Variants in PRKG1 observed in about 807,000 individuals in gnomAD.
PRKG1 encodes cGMP-dependent protein kinase 1.
In PRKG1, 35 loss-of-function variants were observed where a neutral mutation model predicts 88.1. The observed-to-expected ratio is 0.40, with a 90% CI of 0.30 to 0.53. PRKG1 has a LOEUF of 0.53. Ranked by LOEUF, PRKG1 falls within the 20% of genes least tolerant of loss-of-function variation. PRKG1 has a pLI of 0.59. For synonymous variants in PRKG1, 303 were observed against 292.5 expected (o/e 1.04, Z -0.37); for missense variants, 540 against 839.8 (o/e 0.64, Z 4.41).
chr10:52,218,519 C>T (rs1439627368), intron 9 of PRKG1, among the ~76,000 whole-genome samples: 2 of 152,116 alleles, frequency 1.3e-5, no homozygotes, highest in Non-Finnish European at 2.9e-5. Context: ...TCAACATAAA[C>T]TTACCCAACT....
chr10:51,106,435 G>T (rs1018559063), intron 1 of PRKG1, among the ~76,000 whole-genome samples: 3 of 152,066 alleles, frequency 2.0e-5, no homozygotes, highest in Non-Finnish European at 4.4e-5. Context: ...TTTTTTTCGG[G>T]ACTGAGAAAT....
intron 3 of PRKG1, among the ~76,000 whole-genome samples, chr10:51,495,175 A>T (rs1201305176): frequency 6.6e-6 from 1 of 152,002 alleles, no homozygotes; most frequent in Non-Finnish European, 1.5e-5. Context: ...GCTCACTGCA[A>T]CCTCTGCCTC....
At chr10:52,253,709 C>T (rs940946390) in intron 10 of PRKG1, among the ~76,000 whole-genome samples, 2 of 151,796 alleles carry the variant, frequency 1.3e-5, no homozygotes, top group African/African-American at 4.8e-5. Context: ...TTATATTTTA[C>T]TCTTTTAGAC....
At chr10:52,020,106 T>G (rs960871552) in intron 5 of PRKG1, among the ~76,000 whole-genome samples, 1 of 151,408 alleles carries the variant, frequency 6.6e-6, no homozygotes, top group African/African-American at 2.4e-5. Context: ...TTTAATCTTC[T>G]GTAAAATTAA....
At chr10:51,616,042 A>C (rs1460797314) in intron 3 of PRKG1, among the ~76,000 whole-genome samples, 1 of 152,186 alleles carries the variant, frequency 6.6e-6, no homozygotes, top group African/African-American at 2.4e-5. Context: ...TGCATGCAGT[A>C]AAGTTGTCTC....
chr10:52,132,957 C>T lies in PRKG1; in HGVS notation c.936-883C>T, dbSNP rs529377223. On this transcript the variant is annotated intron_variant, in intron 7 of 17. Coordinates refer to ENST00000373980, the MANE Select transcript of PRKG1 (RefSeq NM_006258.4). ...TTTATCCTTTGAGTTACAAATAATT[C>T]AATTACATTAAGTTATTTAAAAATA... Among the ~76,000 whole-genome samples the T allele has an allele frequency of 2.0e-5, 3 of 152,066 alleles. No individual in the cohort carries two copies. In the East Asian group the frequency reaches 5.8e-4, roughly 29 times the overall value.
intron 3 of PRKG1, among the ~76,000 whole-genome samples, chr10:51,546,467 T>A (rs1353807045): frequency 6.6e-6 from 1 of 152,110 alleles, no homozygotes; most frequent in East Asian, 1.9e-4. Flanking sequence ...AATATGTGTG[T>A]GTGTCCTGTA....
At chr10:51,741,022 G>A (rs1188900454) in intron 3 of PRKG1, among the ~76,000 whole-genome samples, 1 of 151,874 alleles carries the variant, frequency 6.6e-6, no homozygotes, top group African/African-American at 2.4e-5. Context: ...CGCAGAGAAG[G>A]AGCCAAGTGT....
intron 1 of PRKG1, among the ~76,000 whole-genome samples, chr10:51,080,744 CCACCCCTTCCCCGA>C (rs1365441785): frequency 2.6e-5 from 4 of 152,202 alleles, no homozygotes; most frequent in African/African-American, 7.2e-5. Context: ...GTACTGTTTG[CCACCCCTTCCCCGA>C]CAGCCCTTGT....
chr10:51,545,957 C>T (rs1842435672), intron 3 of PRKG1, among the ~76,000 whole-genome samples: 1 of 151,580 alleles, frequency 6.6e-6, no homozygotes, highest in African/African-American at 2.4e-5. Context: ...CTGCATGGCT[C>T]CCATTTATCT....
At chr10:51,477,621 T>C (rs926005170) in intron 3 of PRKG1, among the ~76,000 whole-genome samples, 4 of 151,976 alleles carry the variant, frequency 2.6e-5, no homozygotes, top group Non-Finnish European at 5.9e-5. Flanking sequence ...GTGATGTGCT[T>C]AGTGCGGCAA....
At chr10:51,156,518 A>C (rs1297807487) in intron 2 of PRKG1, among the ~76,000 whole-genome samples, 1 of 152,004 alleles carries the variant, frequency 6.6e-6, no homozygotes, top group Non-Finnish European at 1.5e-5. Context: ...ATAATATATC[A>C]ATATTCAGAG....
intron 3 of PRKG1, among the ~76,000 whole-genome samples, chr10:51,496,402 G>T (rs1292481593): frequency 1.3e-5 from 2 of 152,112 alleles, no homozygotes; most frequent in African/African-American, 4.8e-5. Flanking sequence ...AAACTTATCA[G>T]CATGGGTTAA....
intron 4 of PRKG1, among the ~76,000 whole-genome samples, chr10:51,892,238 T>C (rs965838441): frequency 4.6e-5 from 7 of 152,202 alleles, no homozygotes; most frequent in African/African-American, 1.7e-4. Flanking sequence ...TAAATTTCTT[T>C]TAGCAAATAA....
chr10:51,110,509 A>T lies in PRKG1; in HGVS notation c.311+35608A>T, dbSNP rs117497247. 4.0e-3 allele frequency among the ~76,000 whole-genome samples: 608 copies of T among 152,230 alleles called. 3 individuals carry two copies. Among genetic ancestry groups the T allele is most frequent in the Non-Finnish European group, 7.2e-3 (492 of 67,984 alleles). ...GCAGACTAATCTATGGTGACAGAAC[A>T]AACCGGTGGTTGCCTGGGATGGAGA... is the stretch of plus-strand genomic sequence containing the variant. On this transcript the variant is annotated intron_variant, in intron 1 of 17. Coordinates refer to ENST00000373980, the MANE Select transcript of PRKG1 (RefSeq NM_006258.4).
chr10:51,578,980 G>GT (rs752412264), intron 3 of PRKG1, among the ~76,000 whole-genome samples: 2,846 of 77,812 alleles, frequency 0.037, 493 homozygotes, highest in Non-Finnish European at 0.044. Flanking sequence ...AGTTCTGTTG[G>GT]TTTTTTTTTT....
intron 5 of PRKG1, among the ~76,000 whole-genome samples, chr10:52,030,865 C>A (rs10740411): frequency 0.66 from 99,852 of 151,994 alleles, 33,639 homozygotes; most frequent in South Asian, 0.79. Context: ...AAGAGGAATT[C>A]TATGGAAATT....
chr10:51,260,384 T>C (rs1839673479), intron 2 of PRKG1, among the ~76,000 whole-genome samples: 2 of 152,202 alleles, frequency 1.3e-5, no homozygotes, highest in Non-Finnish European at 2.9e-5. Flanking sequence ...TTTTTTAGCA[T>C]GCATGTTTTA....
intron 3 of PRKG1, among the ~76,000 whole-genome samples, chr10:51,478,595 T>C (rs1389546309): frequency 6.6e-6 from 1 of 152,098 alleles, no homozygotes; most frequent in African/African-American, 2.4e-5. Context: ...TGAACCAAGT[T>C]CTTGAAATTG....
Sources: allele counts gnomAD v4.1 joint callset (sites outside exome capture counted in the v4.1 genomes callset), GRCh38; gene constraint gnomAD v4.1.1; transcripts MANE v1.5; gene names NCBI Gene and HGNC (gene_info 2026-07-23, HGNC 2026-07-21).